GLRA3: variants seen among roughly 807,000 people sequenced by gnomAD.
GLRA3 encodes the protein glycine receptor alpha 3.
Under a neutral mutation model 60.4 loss-of-function variants are expected in GLRA3, and 44 were observed. The observed-to-expected ratio is 0.73, with a 90% CI of 0.57 to 0.94. GLRA3 has a LOEUF of 0.94. GLRA3 is among the 40% of genes least tolerant of loss of function. The pLI, the probability that GLRA3 is intolerant of heterozygous loss-of-function variation, is 0.00. For missense variants in GLRA3, 508 were observed against 564.6 expected (o/e 0.90, Z 1.02); for synonymous variants, 223 against 192.9 (o/e 1.16, Z -1.29).
At chr4:174,690,724 C>A (rs1734761999) in intron 5 of GLRA3, among the ~76,000 whole-genome samples, 1 of 152,116 alleles carries the variant, frequency 6.6e-6, no homozygotes, top group African/African-American at 2.4e-5. Flanking sequence ...AGGTTCTTAT[C>A]ATTTGGTTCC....
chr4:174,669,670 G>T, intron 7 of GLRA3, among the ~76,000 whole-genome samples: 1 of 152,056 alleles, frequency 6.6e-6, no homozygotes. Flanking sequence ...CAAGTTCCTG[G>T]GCTCAAGCAA....
In GLRA3 at chr4:174,704,877, T is replaced by C. The variant is rs1283809853; in HGVS notation, c.574+10611A>G. 1.4e-5 allele frequency among the ~76,000 whole-genome samples: 2 copies of C among 143,228 alleles called. 1 individual carries two copies. The highest frequency in any genetic ancestry group is 3.1e-5 in the Non-Finnish European group (2 of 64,572). The allele number at this position is 143,228 out of a possible 152,430, so 94.0% of individuals were successfully genotyped here. Reference sequence around the variant, plus strand: ...CTGTATGAATCTACTTATATATGAATTTAGAGTAGCTAAACTCATATAAGC... The same window carrying C: ...CTGTATGAATCTACTTATATATGAACTTAGAGTAGCTAAACTCATATAAGC... On this transcript the variant is annotated intron_variant, in intron 5 of 9. Transcript: ENST00000274093.
chr4:174,691,641 G>T (rs184480761), intron 5 of GLRA3, among the ~76,000 whole-genome samples: 1 of 152,220 alleles, frequency 6.6e-6, no homozygotes, highest in Non-Finnish European at 1.5e-5. Flanking sequence ...TGATCCGCCA[G>T]CCTCGGCCTC....
At chr4:174,722,865 T>C (rs1446709445) in intron 4 of GLRA3, 1 of 167,118 alleles carries the variant, frequency 6.0e-6, no homozygotes, top group Non-Finnish European at 1.5e-5. Flanking sequence ...ATTTGAAGAT[T>C]TCAAAGTCCT....
intron 3 of GLRA3, among the ~76,000 whole-genome samples, chr4:174,747,270 C>G (rs188106657): frequency 3.4e-4 from 51 of 152,112 alleles, no homozygotes; most frequent in Admixed American, 1.7e-3. Context: ...ACAGCAAATG[C>G]AAGGAACAGA....
chr4:174,746,033 C>T (rs1372175175), intron 3 of GLRA3, among the ~76,000 whole-genome samples: 1 of 152,038 alleles, frequency 6.6e-6, no homozygotes, highest in African/African-American at 2.4e-5. Flanking sequence ...AGAACTCATA[C>T]ACTCTTGGCA....
chr4:174,698,369 G>A (rs903357095), intron 5 of GLRA3, among the ~76,000 whole-genome samples: 10 of 152,044 alleles, frequency 6.6e-5, no homozygotes, highest in African/African-American at 2.4e-4. Context: ...TAATTTTTTT[G>A]TAGAGATGGG....
intron 4 of GLRA3, among the ~76,000 whole-genome samples, chr4:174,723,846 G>A (rs1407596295): frequency 6.6e-6 from 1 of 151,740 alleles, no homozygotes. Flanking sequence ...AAATATATGT[G>A]TTTAATTCAT....
chr4:174,799,484 G>A (rs575990163), intron 1 of GLRA3, among the ~76,000 whole-genome samples: 190 of 152,284 alleles, frequency 1.2e-3, no homozygotes, highest in Middle Eastern at 3.4e-3. Context: ...TAACTGAGAG[G>A]CTAACAACCT....
intron 3 of GLRA3, among the ~76,000 whole-genome samples, chr4:174,751,425 G>T (rs1737480628): frequency 2.0e-5 from 3 of 152,098 alleles, no homozygotes; most frequent in Non-Finnish European, 1.5e-5. Flanking sequence ...GAAGATAAAT[G>T]TGAAACAAGT....
intron 8 of GLRA3, 26 bp downstream of exon 8, chr4:174,659,028 C>T: frequency 6.3e-7 from 1 of 1,596,436 alleles, no homozygotes; most frequent in Non-Finnish European, 8.6e-7. Flanking sequence ...TGGATTCTGC[C>T]AAACCCAATA....
intron 3 of GLRA3, among the ~76,000 whole-genome samples, chr4:174,740,711 A>G (rs1488167354): frequency 1.3e-5 from 2 of 152,258 alleles, no homozygotes; most frequent in African/African-American, 4.8e-5. Context: ...CAGGCAGGTT[A>G]CAGAATAGAG....
chr4:174,684,892 C>A lies in GLRA3; in HGVS notation c.575-1953G>T, dbSNP rs1030976374. Among the ~76,000 whole-genome samples, 9 of 152,038 alleles carry A rather than the reference C, an allele frequency of 5.9e-5. 1 individual carries two copies. The South Asian group carries it at 8.3e-4, about 14-fold the overall frequency. ...GGCGTGGTGGTGGGCACCTCTAATC[C>A]CAGCTACTTGGGAGGCTGAGGCAGG... On this transcript the variant is annotated intron_variant, in intron 5 of 9. Coordinates refer to ENST00000274093, the MANE Select transcript of GLRA3 (RefSeq NM_006529.4).
At chr4:174,690,440 T>G (rs1011757742) in intron 5 of GLRA3, among the ~76,000 whole-genome samples, 2 of 152,218 alleles carry the variant, frequency 1.3e-5, no homozygotes, top group African/African-American at 4.8e-5. Context: ...GACCTATGTG[T>G]GGAAATTTAA....
intron 1 of GLRA3, among the ~76,000 whole-genome samples, chr4:174,824,624 C>T (rs1205009444): frequency 2.6e-5 from 4 of 152,194 alleles, no homozygotes; most frequent in African/African-American, 7.2e-5. Flanking sequence ...TGACAGTCAC[C>T]TTTTCCCAAT....
intron 9 of GLRA3, among the ~76,000 whole-genome samples, chr4:174,647,843 T>C (rs1477417406): frequency 6.6e-6 from 1 of 152,194 alleles, no homozygotes; most frequent in African/African-American, 2.4e-5. Context: ...TGTTTTACAT[T>C]CACAGCACAT....
At chr4:174,674,654 C>T (rs1043840948) in intron 7 of GLRA3, among the ~76,000 whole-genome samples, 5 of 152,108 alleles carry the variant, frequency 3.3e-5, no homozygotes, top group Non-Finnish European at 7.4e-5. Flanking sequence ...AGGCAAAGAT[C>T]ACAAAATTAT....
Position 174,657,418 on chromosome 4 carries a change from G to A in GLRA3, c.1072-631C>T, listed in dbSNP as rs1048569188. Among the ~76,000 whole-genome samples, 7 of 152,058 alleles carry A rather than the reference G, an allele frequency of 4.6e-5. No individual in the cohort carries two copies. The South Asian group carries it at 1.2e-3, about 27-fold the overall frequency. On this transcript the variant is annotated intron_variant, in intron 8 of 9. Coordinates refer to ENST00000274093, the MANE Select transcript of GLRA3 (RefSeq NM_006529.4). ...TGATACATTCTAAATTGTATAAGGAGAAGGAAAAAGGTAAAGAAATGGAAA... is the reference window on the plus strand; with the variant it reads ...TGATACATTCTAAATTGTATAAGGAAAAGGAAAAAGGTAAAGAAATGGAAA...
chr4:174,724,213 T>C (rs537520168), intron 4 of GLRA3, among the ~76,000 whole-genome samples: 21 of 152,142 alleles, frequency 1.4e-4, no homozygotes, highest in African/African-American at 4.6e-4. Flanking sequence ...CATGTTCTTA[T>C]TAGTGAACAT....
Sources: allele counts gnomAD v4.1 joint callset (sites outside exome capture counted in the v4.1 genomes callset), GRCh38; gene constraint gnomAD v4.1.1; transcripts MANE v1.5; gene names NCBI Gene and HGNC (gene_info 2026-07-23, HGNC 2026-07-21).